TEX11: variants seen among roughly 807,000 people sequenced by gnomAD.
TEX11 encodes the protein testis expressed 11, also known as testis-expressed protein 11.
A neutral mutation model predicts 84.4 loss-of-function variants in TEX11; 7 were observed. The observed-to-expected ratio is 0.08, with a 90% confidence interval of 0.05 to 0.16. The LOEUF (loss-of-function observed/expected upper bound fraction) is 0.16. Among genes scored for constraint, TEX11 ranks in the 10% least tolerant of loss-of-function variants. The probability of loss-of-function intolerance (pLI) is 1.00; values close to 1 mark genes in which losing one functional copy is unlikely to be tolerated. For missense variants in TEX11, 551 were observed against 660.5 expected, an observed-to-expected ratio of 0.83 and a Z score of 1.82; for synonymous variants, 264 against 222.8, an observed-to-expected ratio of 1.18 and a Z score of -1.64.
chrX:70,756,197 C>G (rs950931444), intron 9 of TEX11, among the ~76,000 whole-genome samples: 5 of 112,696 alleles, frequency 4.4e-5, no homozygotes, highest in African/African-American at 1.3e-4. Flanking sequence ...CATAGCAGAA[C>G]AAAAGGCAGC....
intron 16 of TEX11, among the ~76,000 whole-genome samples, chrX:70,665,900 T>C (rs1365434857): frequency 8.9e-6 from 1 of 112,397 alleles, no homozygotes; most frequent in African/African-American, 3.2e-5. Flanking sequence ...TCACAGATCT[T>C]AATCACTATT....
intron 25 of TEX11, among the ~76,000 whole-genome samples, chrX:70,564,411 A>C (rs2088423886): frequency 9.0e-6 from 1 of 110,614 alleles, no homozygotes; most frequent in Non-Finnish European, 1.9e-5. Context: ...ATTTTATTTT[A>C]TTATTATAAT....
At chrX:70,564,144 G>A (rs892614356) in intron 25 of TEX11, among the ~76,000 whole-genome samples, 1 of 111,959 alleles carries the variant, frequency 8.9e-6, no homozygotes, top group South Asian at 3.7e-4. Flanking sequence ...CTGGAGAATC[G>A]CTGGAACCTG....
chrX:70,816,780 A>T (rs1057067552), intron 8 of TEX11, among the ~76,000 whole-genome samples: 6 of 110,683 alleles, frequency 5.4e-5, no homozygotes, highest in African/African-American at 2.0e-4. Flanking sequence ...GAGCCCAAAT[A>T]GGGTGAGAGA....
chrX:70,650,218 CT>C (rs2089795349), intron 17 of TEX11, among the ~76,000 whole-genome samples: 1 of 110,540 alleles, frequency 9.0e-6, no homozygotes, highest in African/African-American at 3.3e-5. Flanking sequence ...ACTGTATGCA[CT>C]TCAAAACTCA....
chrX:70,676,092 A>G (rs1367075792), intron 15 of TEX11, among the ~76,000 whole-genome samples: 1 of 111,866 alleles, frequency 8.9e-6, no homozygotes, highest in Non-Finnish European at 1.9e-5. Context: ...TTTAAGGCTA[A>G]GTAATATTTC....
intron 16 of TEX11, among the ~76,000 whole-genome samples, chrX:70,657,544 G>A (rs1381687138): frequency 9.3e-6 from 1 of 107,421 alleles, no homozygotes; most frequent in Non-Finnish European, 1.9e-5. Context: ...TCAAAAAACA[G>A]GTCAAAATCA....
intron 17 of TEX11, among the ~76,000 whole-genome samples, chrX:70,642,126 G>A (rs1184574219): frequency 1.8e-5 from 2 of 111,245 alleles, no homozygotes; most frequent in Non-Finnish European, 1.9e-5. Flanking sequence ...TACCATCAGA[G>A]AATACTAAAA....
intron 9 of TEX11, among the ~76,000 whole-genome samples, chrX:70,776,970 C>T (rs1043308007): frequency 6.3e-5 from 7 of 110,990 alleles, no homozygotes; most frequent in African/African-American, 1.6e-4. Context: ...ACACATTCTA[C>T]ATACGTAACA....
chrX:70,662,894 T>C (rs944180848), intron 16 of TEX11, among the ~76,000 whole-genome samples: 20 of 111,799 alleles, frequency 1.8e-4, no homozygotes, highest in Admixed American at 8.6e-4. Context: ...TCTCTCAGGA[T>C]AATGGAAGTC....
At chrX:70,752,803 CT>C (rs2090838333) in intron 9 of TEX11, among the ~76,000 whole-genome samples, 1 of 110,471 alleles carries the variant, frequency 9.1e-6, no homozygotes, top group Non-Finnish European at 1.9e-5. Flanking sequence ...AAAAGAGGCA[CT>C]AAAGAGGTAG....
At chrX:70,839,210 C>T (rs1452311568) in intron 7 of TEX11, among the ~76,000 whole-genome samples, 4 of 94,947 alleles carry the variant, frequency 4.2e-5, no homozygotes, top group Admixed American at 2.4e-4. Context: ...GGGTCCCTGA[C>T]CCCCAAGTAG....
intron 4 of TEX11, among the ~76,000 whole-genome samples, chrX:70,869,107 T>TAAAATAAAAC (rs1156884329): frequency 1.0e-5 from 1 of 98,516 alleles, no homozygotes; most frequent in African/African-American, 3.9e-5. Flanking sequence ...TAAAATAAAA[T>TAAAATAAAAC]AAAATAAAAC....
intron 10 of TEX11, among the ~76,000 whole-genome samples, chrX:70,743,613 C>G (rs767232681): frequency 1.3e-4 from 15 of 111,374 alleles, no homozygotes; most frequent in African/African-American, 4.9e-4. Flanking sequence ...CGGTAGCTCA[C>G]TCCTGTAATC....
At chrX:70,768,171 G>A (rs1042135849) in intron 9 of TEX11, among the ~76,000 whole-genome samples, 2 of 111,531 alleles carry the variant, frequency 1.8e-5, no homozygotes, top group African/African-American at 3.3e-5. Context: ...ATAAATGCTC[G>A]AAGGCATAGA....
intron 23 of TEX11, among the ~76,000 whole-genome samples, chrX:70,606,023 T>C (rs2089191585): frequency 8.9e-6 from 1 of 112,229 alleles, no homozygotes; most frequent in Non-Finnish European, 1.9e-5. Context: ...CTCTAGGCCA[T>C]TTGGATTCTT....
At chrX:70,621,589 A>T (rs2089395597) in intron 20 of TEX11, among the ~76,000 whole-genome samples, 2 of 83,743 alleles carry the variant, frequency 2.4e-5, no homozygotes, top group East Asian at 3.9e-4. Context: ...AATAAAAATA[A>T]AATATTAAAC....
At chrX:70,516,503 A>G in the TEX11 span, among the ~76,000 whole-genome samples, 5 of 111,652 alleles carry the variant, frequency 4.5e-5, no homozygotes, top group Non-Finnish European at 7.5e-5. Context: ...TACCAGTACT[A>G]TGCTGTTTTG....
intron 16 of TEX11, among the ~76,000 whole-genome samples, chrX:70,668,242 A>T (rs2089993539): frequency 8.9e-6 from 1 of 112,577 alleles, no homozygotes; most frequent in Non-Finnish European, 1.9e-5. Flanking sequence ...CCTAGCTGAA[A>T]AACCATGAAA....
Sources: allele counts gnomAD v4.1 joint callset (sites outside exome capture counted in the v4.1 genomes callset), GRCh38; gene constraint gnomAD v4.1.1; transcripts MANE v1.5; gene names NCBI Gene and HGNC (gene_info 2026-07-23, HGNC 2026-07-21).